The following CCDC7 variants were observed in gnomAD, a reference collection of about 807,000 sequenced individuals.
The protein encoded by CCDC7 is coiled-coil domain containing 7.
In CCDC7, 183 loss-of-function variants were observed where a neutral mutation model predicts 196.9. That is an observed-to-expected ratio of 0.93 (90% CI 0.82 to 1.05). CCDC7 has a LOEUF of 1.05. Among genes scored for constraint, CCDC7 ranks in the 50% least tolerant of loss-of-function variants. The pLI is 0.00. For synonymous variants in CCDC7, 525 were observed against 484.6 expected (o/e 1.08, Z -1.10); for missense variants, 1,540 against 1,482.2 (o/e 1.04, Z -0.64).
At chr10:32,643,214 C>G (rs1326137652) in intron 20 of CCDC7, among the ~76,000 whole-genome samples, 1 of 152,076 alleles carries the variant, frequency 6.6e-6, no homozygotes, top group African/African-American at 2.4e-5. Context: ...TATAAAAATT[C>G]CATATTTCTG....
chr10:32,641,631 T>C (rs2066818899), intron 20 of CCDC7, among the ~76,000 whole-genome samples: 1 of 152,210 alleles, frequency 6.6e-6, no homozygotes, highest in South Asian at 2.1e-4. Context: ...TTTGATCGTC[T>C]GAAGCCTTCT....
At chr10:32,695,610 G>T (rs990794965) in intron 24 of CCDC7, among the ~76,000 whole-genome samples, 1 of 152,092 alleles carries the variant, frequency 6.6e-6, no homozygotes, top group Non-Finnish European at 1.5e-5. Context: ...CCTAGCCCTT[G>T]CCGGGTAGTG....
At chr10:32,528,494 G>A (rs1485658095) in intron 11 of CCDC7, among the ~76,000 whole-genome samples, 1 of 151,112 alleles carries the variant, frequency 6.6e-6, no homozygotes, top group African/African-American at 2.4e-5. Flanking sequence ...ATGAGTGAGA[G>A]CATACGGTGT....
chr10:32,554,180 GC>G lies in CCDC7; in HGVS notation c.1134+9883del, dbSNP rs977756466. 2.0e-4 allele frequency among the ~76,000 whole-genome samples: 30 copies of G among 152,284 alleles called. No individual in the cohort carries two copies. In the South Asian group the frequency reaches 2.5e-3, roughly 13 times the overall value. ...GTTGCTCCCAACCTCCCCTGCAATA[GC>G]CCCAAGTCTGTTTCCAGACGGTGGG... On this transcript the variant is annotated intron_variant, in intron 13 of 41. Coordinates refer to ENST00000639629, the Ensembl canonical transcript of CCDC7.
chr10:32,468,210 A>G (rs1324752212), intron 5 of CCDC7, among the ~76,000 whole-genome samples: 2 of 152,192 alleles, frequency 1.3e-5, no homozygotes, highest in African/African-American at 2.4e-5. Flanking sequence ...GATTCTTTCT[A>G]TCCATGCACA....
At chr10:32,680,037 A>G (rs1250076056) in intron 21 of CCDC7, among the ~76,000 whole-genome samples, 1 of 152,214 alleles carries the variant, frequency 6.6e-6, no homozygotes, top group Non-Finnish European at 1.5e-5. Flanking sequence ...TTGAACAGCC[A>G]AAATCAATTG....
At chr10:32,571,357 T>A (rs537453057) in intron 15 of CCDC7, among the ~76,000 whole-genome samples, 12 of 152,164 alleles carry the variant, frequency 7.9e-5, no homozygotes, top group Non-Finnish European at 1.8e-4. Flanking sequence ...TGAACATGTA[T>A]TCTCAGTATA....
intron 11 of CCDC7, among the ~76,000 whole-genome samples, chr10:32,537,752 C>T (rs2050759302): frequency 6.6e-6 from 1 of 151,996 alleles, no homozygotes; most frequent in Non-Finnish European, 1.5e-5. Flanking sequence ...AATGGGGAGT[C>T]CTTTCTTCAT....
At chr10:32,705,044 C>T (rs1189049553) in intron 24 of CCDC7, among the ~76,000 whole-genome samples, 1 of 152,116 alleles carries the variant, frequency 6.6e-6, no homozygotes, top group Non-Finnish European at 1.5e-5. Flanking sequence ...CGACAATGCC[C>T]AGTGAGATGA....
intron 20 of CCDC7, among the ~76,000 whole-genome samples, chr10:32,653,954 G>A (rs1414552): frequency 0.98 from 149,888 of 152,302 alleles, 73,796 homozygotes; most frequent in Middle Eastern, 1. Context: ...CCCATTATGT[G>A]TATGTTGGTA....
chr10:32,520,062 G>A (rs1349981512), intron 11 of CCDC7, among the ~76,000 whole-genome samples: 1 of 151,894 alleles, frequency 6.6e-6, no homozygotes, highest in Non-Finnish European at 1.5e-5. Flanking sequence ...CCTTTTTTAT[G>A]ACTAAATAGT....
At chr10:32,662,067 G>A (rs1029077395) in intron 20 of CCDC7, among the ~76,000 whole-genome samples, 2 of 152,052 alleles carry the variant, frequency 1.3e-5, no homozygotes, top group African/African-American at 4.8e-5. Context: ...ATTCCCTTTT[G>A]GCCTCTCTCC....
chr10:32,561,012 A>G (rs1270637587), intron 13 of CCDC7, among the ~76,000 whole-genome samples: 2 of 148,500 alleles, frequency 1.3e-5, no homozygotes, highest in Middle Eastern at 3.2e-3. Flanking sequence ...AAAGGCAGGG[A>G]TTGCAATCCT....
At position 32,702,794 on chromosome 10, in the gene CCDC7, T is replaced by G. The variant is rs573190510; in HGVS notation, c.2458+7802T>G. ...ATGGCCTTCTTTGTCTCTTTTGATC[T>G]TCATTGGTTTAAAATCTGTTTTATC... is the stretch of plus-strand genomic sequence containing the variant. On this transcript the variant is annotated intron_variant, in intron 24 of 41. Coordinates refer to ENST00000639629, the Ensembl canonical transcript of CCDC7. Among the ~76,000 whole-genome samples, 3 of 152,364 alleles carry G rather than the reference T, an allele frequency of 2.0e-5. No homozygotes were observed. The East Asian group carries it at 5.8e-4, about 29-fold the overall frequency.
At chr10:32,812,010 A>G (rs779584999) in intron 30 of CCDC7, among the ~76,000 whole-genome samples, 1 of 152,100 alleles carries the variant, frequency 6.6e-6, no homozygotes, top group African/African-American at 2.4e-5. Context: ...ATAAAATTCA[A>G]CATTCCTTCA....
chr10:32,681,015 C>T (rs1240520023), intron 21 of CCDC7, among the ~76,000 whole-genome samples: 1 of 152,208 alleles, frequency 6.6e-6, no homozygotes, highest in African/African-American at 2.4e-5. Context: ...TTGGTTACTA[C>T]ATGTCCCTGA....
chr10:32,618,487 T>A (rs2063019065), intron 18 of CCDC7, among the ~76,000 whole-genome samples: 1 of 152,076 alleles, frequency 6.6e-6, no homozygotes, highest in Admixed American at 6.6e-5. Flanking sequence ...GCAAGACCAG[T>A]CCAGTCACCA....
exon 19 of CCDC7, chr10:32,634,315 C>T (rs1021564493): frequency 1.6e-6 from 2 of 1,215,932 alleles, no homozygotes; most frequent in Non-Finnish European, 1.0e-6. Flanking sequence ...TAACAAAAGT[C>T]CAAATAGAAC....
At chr10:32,502,530 T>G (rs1317226175) in intron 9 of CCDC7, among the ~76,000 whole-genome samples, 2 of 152,160 alleles carry the variant, frequency 1.3e-5, no homozygotes, top group Non-Finnish European at 2.9e-5. Context: ...GTATCTGTTT[T>G]GATGCTAGGG....
Sources: allele counts gnomAD v4.1 joint callset (sites outside exome capture counted in the v4.1 genomes callset), GRCh38; gene constraint gnomAD v4.1.1; transcripts MANE v1.5; gene names NCBI Gene and HGNC (gene_info 2026-07-23, HGNC 2026-07-21).